Variants in FBRSL1 observed in about 807,000 individuals in gnomAD.
The protein encoded by FBRSL1 is fibrosin-1-like protein.
A neutral mutation model predicts 89.6 loss-of-function variants in FBRSL1; 51 were observed. That is an observed-to-expected ratio of 0.57 (90% CI 0.45 to 0.72). FBRSL1 has a LOEUF of 0.72. FBRSL1 is among the 30% of genes least tolerant of loss of function. FBRSL1 has a pLI of 0.00. For missense variants in FBRSL1, 1,618 were observed against 1,451.8 expected (o/e 1.11, Z -1.86); for synonymous variants, 779 against 681.1 (o/e 1.14, Z -2.24).
chr12:132,503,616 G>C (rs1051655947), intron 1 of FBRSL1, among the ~76,000 whole-genome samples: 4 of 152,204 alleles, frequency 2.6e-5, no homozygotes, highest in Non-Finnish European at 5.9e-5. Flanking sequence ...CTCCCTGTAG[G>C]GTCTCCTGTG....
At chr12:132,576,712 C>G (rs1190609633) in intron 14 of FBRSL1, 87 bp from the exon 15 acceptor site, 15 of 1,454,658 alleles carry the variant, frequency 1.0e-5, no homozygotes, top group East Asian at 2.5e-5. Context: ...TGGCTCACAC[C>G]CAGTCCCTGT....
rs56171012 is a variant in FBRSL1 at position 132,583,260 on chromosome 12, C to G, written c.2491C>G (p.Leu831Val). Reference sequence around the variant, plus strand: ...GGCCTCCGAGCCCCCGGCGGGCGGCCTGCACCCCGCGCCCCTGCAGCTCGG... The same window carrying G: ...GGCCTCCGAGCCCCCGGCGGGCGGCGTGCACCCCGCGCCCCTGCAGCTCGG... ...DEASEPPAGG[L>V]HPAPLQLGLG... The change falls in exon 19 of 19, where the codon CTG becomes GTG. Residue 831 changes from leucine to valine, a missense_variant. Physicochemically the swap from Leu to Val is conservative, Grantham distance 32 (BLOSUM62 1). Coordinates refer to ENST00000680143, the MANE Select transcript of FBRSL1 (RefSeq NM_001367871.1). 1.5e-6 allele frequency: 2 copies of G among 1,326,566 alleles called. No individual in the cohort carries two copies. The highest frequency in any genetic ancestry group is 7.1e-5 in the East Asian group (2 of 27,978). The allele number at this position is 1,326,566 out of a possible 1,614,324, so 82.2% of individuals were successfully genotyped here. A position where few individuals can be genotyped will look rare whatever the true frequency, so the allele number is the denominator to read the frequency against.
rs144533075 is a variant in FBRSL1 at position 132,558,205 on chromosome 12, G to T, written c.646-9276G>T. Among the ~76,000 whole-genome samples the T allele has an allele frequency of 8.5e-4, 130 of 152,246 alleles. 1 individual carries two copies. Among genetic ancestry groups the T allele is most frequent in the African/African-American group, 3.0e-3 (125 of 41,530 alleles). On this transcript the variant is annotated intron_variant, in intron 5 of 18. Transcript: ENST00000680143. ...CCTGACTTATCCCTGAGGGCTCCAC[G>T]CATTTCAAATGGAGCGGCCCCATCC...
At chr12:132,541,253 A>T (rs182744250) in intron 4 of FBRSL1, among the ~76,000 whole-genome samples, 22 of 151,974 alleles carry the variant, frequency 1.4e-4, no homozygotes, top group Non-Finnish European at 3.1e-4. Flanking sequence ...CCACACCCCT[A>T]CCCTGAGGCA....
At chr12:132,531,795 G>T (rs1034800596) in intron 4 of FBRSL1, among the ~76,000 whole-genome samples, 1 of 152,356 alleles carries the variant, frequency 6.6e-6, no homozygotes, top group Non-Finnish European at 1.5e-5. Context: ...GCAGCCTCCC[G>T]TGTTGCTGAG....
chr12:132,572,721 C>T (rs1169901667), intron 11 of FBRSL1, 99 bp downstream of exon 11: 1 of 816,564 alleles, frequency 1.2e-6, no homozygotes, highest in Non-Finnish European at 2.0e-6. Flanking sequence ...ACAACCACCC[C>T]CCTTTCCCTC....
At chr12:132,498,736 T>A (rs1246693000) in intron 1 of FBRSL1, among the ~76,000 whole-genome samples, 2 of 152,198 alleles carry the variant, frequency 1.3e-5, no homozygotes, top group Non-Finnish European at 2.9e-5. Context: ...GGGGCTGTGC[T>A]TGGGTGGCCA....
intron 18 of FBRSL1, among the ~76,000 whole-genome samples, chr12:132,582,762 C>T (rs2040865096): frequency 6.6e-6 from 1 of 152,146 alleles, no homozygotes; most frequent in Admixed American, 6.5e-5. Flanking sequence ...CATCCCGCTT[C>T]CGTCTCCCGG....
At position 132,570,041 on chromosome 12, in the gene FBRSL1, C is replaced by T; in HGVS notation, c.807C>T (p.Pro269=). 6.6e-7 allele frequency: 1 copy of T among 1,508,998 alleles called. No individual in the cohort carries two copies. Among genetic ancestry groups the T allele is most frequent in the South Asian group, 1.2e-5 (1 of 81,110 alleles). 93.5% of individuals were successfully genotyped at this position (1,508,998 alleles called of 1,614,324 possible). A position where few individuals can be genotyped will look rare whatever the true frequency, so the allele number is the denominator to read the frequency against. ...TCCTGCCCACTGCCAGCCCCGCGCC[C>T]CATGCCGCGCCCTGCCCGGGGCCCC... ...ESFLPTASPA[P]HAAPCPGPPP... Residue 269 remains proline (P), a synonymous_variant, in exon 7 of 19, where the codon CCC becomes CCT. Coordinates refer to ENST00000680143, the MANE Select transcript of FBRSL1 (RefSeq NM_001367871.1).
chr12:132,504,551 C>T (rs1409789663), intron 1 of FBRSL1, among the ~76,000 whole-genome samples: 4 of 152,086 alleles, frequency 2.6e-5, no homozygotes, highest in Admixed American at 1.3e-4. Context: ...TCTTGGAGGG[C>T]CCCTGTGTGC....
chr12:132,502,812 TCCCCGCCCCC>T (rs2136461651), intron 1 of FBRSL1, among the ~76,000 whole-genome samples: 1 of 90,042 alleles, frequency 1.1e-5, no homozygotes, highest in African/African-American at 4.3e-5. Flanking sequence ...CCCCCTCCTG[TCCCCGCCCCC>T]TCCTGTCCTC....
chr12:132,560,570 C>G (rs566095083), intron 5 of FBRSL1, among the ~76,000 whole-genome samples: 2 of 152,280 alleles, frequency 1.3e-5, no homozygotes, highest in East Asian at 1.9e-4. Flanking sequence ...TCACCTGCCC[C>G]GAGTTGGAGT....
rs1008808481 is a variant in FBRSL1, at chr12:132,571,607, C to G, written c.1377+376C>G. 3 of 984,822 alleles carry G rather than the reference C, an allele frequency of 3.0e-6. No homozygotes were observed. The African/African-American group carries it at 5.3e-5, about 17-fold the overall frequency. The allele number at this position is 984,822 out of a possible 1,614,324, so 61.0% of individuals were successfully genotyped here. ...GCAGGCACACACAGACACACGCTCG[C>G]ACACACACCAGCCCAGGAGGAGGTG... On this transcript the variant is annotated intron_variant, in intron 9 of 18. Coordinates refer to ENST00000680143, the MANE Select transcript of FBRSL1 (RefSeq NM_001367871.1).
Position 132,572,690 on chromosome 12 carries a change from A to G in FBRSL1, c.1530+68A>G, listed in dbSNP as rs1056682436. 8.3e-6 allele frequency: 9 copies of G among 1,090,340 alleles called. No individual in the cohort carries two copies. The African/African-American group carries it at 9.4e-5, about 11-fold the overall frequency. 67.5% of individuals were successfully genotyped at this position (1,090,340 alleles called of 1,614,324 possible). On this transcript the variant is annotated intron_variant, in intron 11 of 18. Coordinates refer to ENST00000680143, the MANE Select transcript of FBRSL1 (RefSeq NM_001367871.1). ...TGGATTTTGGGGGGAGTGCATGACA[A>G]CCTCGCCAAACTCTCTGCCCACAAC...
Position 132,571,886 on chromosome 12 carries a change from G to A in FBRSL1, c.1378-402G>A, listed in dbSNP as rs553786238. 256 of 328,760 alleles carry A rather than the reference G, an allele frequency of 7.8e-4. 2 individuals are homozygous for A. Among genetic ancestry groups the A allele is most frequent in the Non-Finnish European group, 1.2e-3 (222 of 180,812 alleles). The allele number at this position is 328,760 out of a possible 1,614,324, so 20.4% of individuals were successfully genotyped here. A position where few individuals can be genotyped will look rare whatever the true frequency, so the allele number is the denominator to read the frequency against. ...CCCGTGTTCCCCGCCCCGGAGGCCC[G>A]GTCTGAGGAGGGAGTTGCTGGGGGC... On this transcript the variant is annotated intron_variant, in intron 9 of 18. Transcript: ENST00000680143.
At chr12:132,573,015 G>C (rs777809248) in intron 11 of FBRSL1, among the ~76,000 whole-genome samples, 1 of 152,184 alleles carries the variant, frequency 6.6e-6, no homozygotes, top group Non-Finnish European at 1.5e-5. Context: ...TTACGGGGCC[G>C]TCCACACCGT....
Position 132,581,954 on chromosome 12 carries a change from C to T in FBRSL1, c.1997-108C>T, listed in dbSNP as rs1335861382. On this transcript the variant is annotated intron_variant, in intron 17 of 18. Transcript: ENST00000680143. Reference sequence around the variant, plus strand: ...GGGCTGGGCCTCCTTGGGGCACCCCCTTCTCAGTGTCAGCCTGGGACCCTT... The same window carrying T: ...GGGCTGGGCCTCCTTGGGGCACCCCTTTCTCAGTGTCAGCCTGGGACCCTT... 3.1e-6 allele frequency: 4 copies of T among 1,290,182 alleles called. No homozygotes were observed. The East Asian group carries it at 7.6e-5, about 25-fold the overall frequency. 79.9% of individuals were successfully genotyped at this position (1,290,182 alleles called of 1,614,324 possible). A position where few individuals can be genotyped will look rare whatever the true frequency, so the allele number is the denominator to read the frequency against.
In FBRSL1 at chr12:132,572,579, ACCC is replaced by A; in HGVS notation, c.1489_1491del (p.Pro497del). 6.4e-7 allele frequency: 1 copy of A among 1,550,696 alleles called. No homozygotes were observed. Among genetic ancestry groups the A allele is most frequent in the Non-Finnish European group, 8.7e-7 (1 of 1,146,808 alleles). ...CCGGGACTGCCCACCCTGCTCCCAC[ACCC>A]CGGCCCCTTCGGGTCCCTGCAGGGC... On this transcript the variant is annotated inframe_deletion, in exon 11 of 19. Transcript: ENST00000680143.
intron 14 of FBRSL1, among the ~76,000 whole-genome samples, chr12:132,576,223 C>T (rs1028769217): frequency 1.0e-4 from 13 of 129,454 alleles, no homozygotes; most frequent in Non-Finnish European, 2.2e-4. Context: ...GATAGAGTCT[C>T]GCTCTGTCAC....
Sources: allele counts gnomAD v4.1 joint callset (sites outside exome capture counted in the v4.1 genomes callset), GRCh38; gene constraint gnomAD v4.1.1; transcripts MANE v1.5; gene names NCBI Gene and HGNC (gene_info 2026-07-23, HGNC 2026-07-21).